The following MCC variants were observed in gnomAD, a reference collection of about 807,000 sequenced individuals.
The protein encoded by MCC is MCC regulator of Wnt signaling pathway.
In MCC, 90 loss-of-function variants were observed where a neutral mutation model predicts 116.2. That is an observed-to-expected ratio of 0.77 (90% CI 0.65 to 0.92). The LOEUF (loss-of-function observed/expected upper bound fraction) is 0.92. Ranked by LOEUF, MCC falls within the 40% of genes least tolerant of loss-of-function variation. The pLI, the probability that MCC is intolerant of heterozygous loss-of-function variation, is 0.00. For synonymous variants in MCC, 578 were observed against 510.5 expected, an observed-to-expected ratio of 1.13 and a Z score of -1.78; for missense variants, 1,516 against 1,312.2, an observed-to-expected ratio of 1.16 and a Z score of -2.40.
intron 12 of MCC, among the ~76,000 whole-genome samples, chr5:113,069,406 T>C (rs1580980590): frequency 6.6e-6 from 1 of 152,204 alleles, no homozygotes; most frequent in Non-Finnish European, 1.5e-5. Flanking sequence ...GTGGCCCACG[T>C]CCACACAAGA....
chr5:113,243,215 C>CA (rs1764445034), intron 3 of MCC, among the ~76,000 whole-genome samples: 1 of 152,100 alleles, frequency 6.6e-6, no homozygotes, highest in Non-Finnish European at 1.5e-5. Context: ...CATGTACTGG[C>CA]ATGATCTAGA....
intron 3 of MCC, among the ~76,000 whole-genome samples, chr5:113,258,088 G>C (rs892188171): frequency 1.6e-4 from 24 of 152,278 alleles, no homozygotes; most frequent in Admixed American, 2.6e-4. Context: ...TAAACATTGT[G>C]AATGAGAGAG....
At chr5:113,480,398 T>G (rs148507093) in intron 1 of MCC, among the ~76,000 whole-genome samples, 1 of 152,376 alleles carries the variant, frequency 6.6e-6, no homozygotes, top group African/African-American at 2.4e-5. Context: ...ACTTCTAAGA[T>G]GCACAGTTTA....
At chr5:113,444,354 G>T (rs28714108) in intron 1 of MCC, among the ~76,000 whole-genome samples, 17,483 of 152,010 alleles carry the variant, frequency 0.12, 1,736 homozygotes, top group African/African-American at 0.27. Context: ...GTATCTATAG[G>T]GTGAAAGACA....
chr5:113,220,020 C>A (rs1291980249), intron 3 of MCC, among the ~76,000 whole-genome samples: 29 of 147,914 alleles, frequency 2.0e-4, no homozygotes, highest in Non-Finnish European at 1.5e-5. Context: ...AAGTCCTTTA[C>A]ATTTCCATGT....
intron 2 of MCC, among the ~76,000 whole-genome samples, chr5:113,363,063 A>G (rs1768587279): frequency 6.6e-6 from 1 of 152,112 alleles, no homozygotes. Context: ...GCGGATCACA[A>G]GGTCAGGAGA....
chr5:113,434,047 C>T lies in MCC; in HGVS notation c.171-48835G>A, dbSNP rs762006295. 32 of 1,613,938 alleles carry T rather than the reference C, an allele frequency of 2.0e-5. No homozygotes were observed. In the Admixed American group the frequency reaches 4.0e-4, roughly 20 times the overall value. ...TGCATCCAGCAGTGGCTGAGGATCT[C>T]GTCGATGTGGAGCCGCCGGTTGACG... On this transcript the variant is annotated intron_variant, in intron 1 of 18. Transcript: ENST00000408903. This position sits in a 1 kb window ranked among gnomAD's most constrained non-coding sequence, Gnocchi z 4.2.
intron 3 of MCC, among the ~76,000 whole-genome samples, chr5:113,334,719 T>C (rs1767829554): frequency 6.6e-6 from 1 of 150,512 alleles, no homozygotes; most frequent in Non-Finnish European, 1.5e-5. Flanking sequence ...TCCTCCTGAG[T>C]AGCTGGGATT....
chr5:113,157,831 G>T (rs1760259203), intron 3 of MCC, among the ~76,000 whole-genome samples: 1 of 152,226 alleles, frequency 6.6e-6, no homozygotes, highest in Non-Finnish European at 1.5e-5. Context: ...CTATGATAAA[G>T]TTTAATTCAT....
intron 17 of MCC, among the ~76,000 whole-genome samples, chr5:113,039,485 C>A (rs1445605212): frequency 6.6e-6 from 1 of 152,226 alleles, no homozygotes. Context: ...TAAGACATGG[C>A]TGTTTACTGG....
chr5:113,027,305 A>C lies in MCC; in HGVS notation c.3057T>G (p.Leu1019=). 6.2e-7 allele frequency: 1 copy of C among 1,614,054 alleles called. No homozygotes were observed. Among genetic ancestry groups the C allele is most frequent in the Non-Finnish European group, 8.5e-7 (1 of 1,179,968 alleles). The change falls in exon 19 of 19, where the codon CTT becomes CTG. Residue 1019 remains leucine, a synonymous_variant. Coordinates refer to ENST00000408903, the MANE Select transcript of MCC (RefSeq NM_001085377.2). The part of the protein sequence containing the change: ...NSRPHTNETS[L] ...AACTCCGGTGCGTGAGTGCTGATTA[A>C]AGCGAAGTTTCATTGGTGTGTGGCC...
chr5:113,184,497 TGGAG>T (rs1761799333), intron 3 of MCC, among the ~76,000 whole-genome samples: 1 of 117,262 alleles, frequency 8.5e-6, no homozygotes, highest in African/African-American at 3.0e-5. Flanking sequence ...TTTTTTTTTT[TGGAG>T]ACAGAGTCTT....
At chr5:113,038,642 T>A (rs1751479709) in intron 17 of MCC, among the ~76,000 whole-genome samples, 1 of 152,096 alleles carries the variant, frequency 6.6e-6, no homozygotes. Flanking sequence ...GATGCAAGAC[T>A]GAAGCCCCAG....
chr5:113,223,966 T>G (rs1763642867), intron 3 of MCC, among the ~76,000 whole-genome samples: 1 of 152,160 alleles, frequency 6.6e-6, no homozygotes, highest in Non-Finnish European at 1.5e-5. Flanking sequence ...CACAAACTCC[T>G]TGCTCTGCTG....
chr5:113,156,790 T>TACACATTC (rs1760196534), intron 3 of MCC, among the ~76,000 whole-genome samples: 1 of 152,224 alleles, frequency 6.6e-6, no homozygotes, highest in Non-Finnish European at 1.5e-5. Context: ...CATTTTACAG[T>TACACATTC]GTGTATCCAA....
intron 1 of MCC, among the ~76,000 whole-genome samples, chr5:113,407,361 T>C (rs985050295): frequency 6.6e-6 from 1 of 152,208 alleles, no homozygotes; most frequent in South Asian, 2.1e-4. Flanking sequence ...AAGCATTCTT[T>C]ATGCTCAGAT....
intron 11 of MCC, among the ~76,000 whole-genome samples, chr5:113,071,535 G>C (rs895497586): frequency 6.6e-6 from 1 of 152,208 alleles, no homozygotes; most frequent in African/African-American, 2.4e-5. Flanking sequence ...TCCAAGGAAA[G>C]GAGACAGTTG....
chr5:113,058,063 A>T (rs532777446), intron 14 of MCC, among the ~76,000 whole-genome samples: 2 of 152,340 alleles, frequency 1.3e-5, no homozygotes, highest in East Asian at 3.9e-4. Context: ...AATTATTTTG[A>T]AAACTTTCAA....
chr5:113,246,994 C>T (rs1374952932), intron 3 of MCC, among the ~76,000 whole-genome samples: 1 of 152,206 alleles, frequency 6.6e-6, no homozygotes, highest in African/African-American at 2.4e-5. Flanking sequence ...CTTCCAGAGG[C>T]TTTCTTCACT....
Sources: gnomAD v4.1 joint callset for allele counts (sites outside exome capture counted in the v4.1 genomes callset) on GRCh38, gnomAD v4.1.1 for gene constraint, Gnocchi (gnomAD v3.1) non-coding constraint, MANE v1.5 for transcripts, NCBI Gene and HGNC (gene_info 2026-07-23, HGNC 2026-07-21) for gene names.